Variants in RNF144A observed in about 807,000 individuals in gnomAD.
RNF144A encodes E3 ubiquitin-protein ligase RNF144A.
A neutral mutation model predicts 38.7 loss-of-function variants in RNF144A; 11 were observed. That is an observed-to-expected ratio of 0.28 (90% CI 0.18 to 0.47). The LOEUF is 0.47. Among genes scored for constraint, RNF144A ranks in the 20% least tolerant of loss-of-function variants. The pLI is 0.99. For synonymous variants in RNF144A, 149 were observed against 143.9 expected, an observed-to-expected ratio of 1.04 and a Z score of -0.25; for missense variants, 316 against 377.2, an observed-to-expected ratio of 0.84 and a Z score of 1.34.
At chr2:7,008,441 C>T (rs1045457056) in intron 3 of RNF144A, among the ~76,000 whole-genome samples, 8 of 152,208 alleles carry the variant, frequency 5.3e-5, no homozygotes, top group Non-Finnish European at 7.3e-5. Flanking sequence ...CAGGCCTGAC[C>T]GGTCACACTG....
chr2:7,001,643 C>T (rs1481558012), intron 3 of RNF144A, among the ~76,000 whole-genome samples: 1 of 152,236 alleles, frequency 6.6e-6, no homozygotes, highest in East Asian at 1.9e-4. Flanking sequence ...CACCACTGCA[C>T]TCCAGCCTGG....
intron 3 of RNF144A, among the ~76,000 whole-genome samples, chr2:7,012,586 T>G (rs422341): frequency 6.6e-6 from 1 of 152,096 alleles, no homozygotes; most frequent in Non-Finnish European, 1.5e-5. Context: ...CTGCTCATTG[T>G]TACAATGGTT....
intron 5 of RNF144A, among the ~76,000 whole-genome samples, chr2:7,020,090 C>T (rs919499376): frequency 3.3e-5 from 5 of 152,264 alleles, no homozygotes; most frequent in East Asian, 1.9e-4. Flanking sequence ...GATGAGCTAG[C>T]GCCATGTGCA....
chr2:7,050,106 A>G (rs753130241), intron 6 of RNF144A, among the ~76,000 whole-genome samples: 88 of 152,140 alleles, frequency 5.8e-4, no homozygotes, highest in Non-Finnish European at 7.2e-4. Flanking sequence ...AGTGAGTAGG[A>G]CCTGGTTCCC....
intron 2 of RNF144A, among the ~76,000 whole-genome samples, chr2:6,971,591 A>T (rs1668001051): frequency 6.6e-6 from 1 of 152,182 alleles, no homozygotes; most frequent in Non-Finnish European, 1.5e-5. Flanking sequence ...GGAACTGGCT[A>T]ACATGGGGCA....
intron 2 of RNF144A, among the ~76,000 whole-genome samples, chr2:6,990,572 A>C (rs1623303): frequency 0.063 from 5,315 of 83,708 alleles, 164 homozygotes; most frequent in African/African-American, 0.13. Flanking sequence ...TACACACACA[A>C]ACACACACAC....
At chr2:7,051,891 G>A (rs1164756022) in intron 6 of RNF144A, among the ~76,000 whole-genome samples, 1 of 152,122 alleles carries the variant, frequency 6.6e-6, no homozygotes. Flanking sequence ...CAACCTCATG[G>A]GATCTTCCTG....
intron 2 of RNF144A, among the ~76,000 whole-genome samples, chr2:6,990,429 C>T (rs1388823252): frequency 5.4e-5 from 3 of 55,752 alleles, no homozygotes; most frequent in East Asian, 1.3e-3. Flanking sequence ...CACACACACA[C>T]ACACACAGAG....
chr2:7,054,387 A>G (rs559027675), intron 6 of RNF144A, among the ~76,000 whole-genome samples: 8 of 152,344 alleles, frequency 5.3e-5, no homozygotes, highest in Non-Finnish European at 1.2e-4. Context: ...TAGGAGTGAC[A>G]TCTTTGCCTT....
At chr2:6,951,737 G>A (rs766169493) in intron 2 of RNF144A, among the ~76,000 whole-genome samples, 21 of 152,232 alleles carry the variant, frequency 1.4e-4, no homozygotes, top group Admixed American at 6.5e-4. Flanking sequence ...ATCTTTGCTG[G>A]AATGTATAAA....
rs3755516 is a variant in RNF144A at position 6,958,584 on chromosome 2, T to G, written c.-12+17437T>G. 0.12 allele frequency among the ~76,000 whole-genome samples: 17,605 copies of G among 152,152 alleles called. 1,266 individuals carry two copies. Among genetic ancestry groups the G allele is most frequent in the African/African-American group, 0.19 (7,907 of 41,496 alleles). ...GCTGTGACTAGCACCTTGAGCTAAC[T>G]CAGTAGCCTCTCTCCTATGTCACGG... On this transcript the variant is annotated intron_variant, in intron 2 of 8. Transcript: ENST00000320892. This position sits in a 1 kb window ranked among gnomAD's most constrained non-coding sequence, Gnocchi z 4.5.
chr2:7,068,924 G>A (rs1372604115), downstream of RNF144A, among the ~76,000 whole-genome samples: 3 of 152,318 alleles, frequency 2.0e-5, no homozygotes, highest in East Asian at 5.8e-4. Flanking sequence ...CTGGGTTCCA[G>A]CCTCCGAGGT....
intron 7 of RNF144A, among the ~76,000 whole-genome samples, chr2:7,025,630 C>G (rs2103437613): frequency 6.6e-6 from 1 of 152,122 alleles, no homozygotes. Context: ...TGAGATGGCA[C>G]CACTGCACTC....
chr2:7,035,794 T>G (rs1180535713), intron 8 of RNF144A, among the ~76,000 whole-genome samples: 1 of 152,220 alleles, frequency 6.6e-6, no homozygotes, highest in African/African-American at 2.4e-5. Flanking sequence ...TTCATTATTT[T>G]TTACGGGAGC....
chr2:6,941,482 G>A lies in RNF144A; in HGVS notation c.-12+335G>A, dbSNP rs1665972179. ...TGGATTGAGCTCCTGCGTGTGCCAG[G>A]CACAGCTCTAACTCAGAACTCAGTG... On this transcript the variant is annotated intron_variant, in intron 2 of 8. Transcript: ENST00000320892. This position sits in a 1 kb window ranked among gnomAD's most constrained non-coding sequence, Gnocchi z 6.5. 6.6e-6 allele frequency among the ~76,000 whole-genome samples: 1 copy of A among 152,206 alleles called. No individual in the cohort carries two copies. Among genetic ancestry groups the A allele is most frequent in the Non-Finnish European group, 1.5e-5 (1 of 68,040 alleles).
At chr2:6,985,270 C>CTTT (rs748540904) in intron 2 of RNF144A, among the ~76,000 whole-genome samples, 11 of 104,702 alleles carry the variant, frequency 1.1e-4, no homozygotes, top group East Asian at 2.7e-4. Flanking sequence ...CCTCCCCCCT[C>CTTT]TTTTTTTTTT....
intron 5 of RNF144A, among the ~76,000 whole-genome samples, chr2:7,017,301 TG>T (rs1170720552): frequency 9.8e-6 from 1 of 101,896 alleles, no homozygotes; most frequent in East Asian, 4.1e-4. Context: ...AACCGTGTAT[TG>T]TTTTTTTTTT....
chr2:7,035,907 T>C (rs777919847), intron 8 of RNF144A, among the ~76,000 whole-genome samples: 17 of 152,236 alleles, frequency 1.1e-4, no homozygotes, highest in Non-Finnish European at 2.2e-4. Flanking sequence ...TATTGTACAG[T>C]TTGTTTCATC....
chr2:6,936,544 AT>A (rs1309546163), intron 1 of RNF144A, among the ~76,000 whole-genome samples: 1 of 152,204 alleles, frequency 6.6e-6, no homozygotes, highest in Non-Finnish European at 1.5e-5. Flanking sequence ...ACAAGGAGTC[AT>A]CTTACATAAT....
Sources: gnomAD v4.1 joint callset for allele counts (sites outside exome capture counted in the v4.1 genomes callset) on GRCh38, gnomAD v4.1.1 for gene constraint, Gnocchi (gnomAD v3.1) non-coding constraint, MANE v1.5 for transcripts, NCBI Gene and HGNC (gene_info 2026-07-23, HGNC 2026-07-21) for gene names.